Variants in RBPJ observed in about 807,000 individuals in gnomAD.
The protein encoded by RBPJ is recombining binding protein suppressor of hairless.
Under a neutral mutation model 67.8 loss-of-function variants are expected in RBPJ, and 9 were observed. The observed-to-expected ratio is 0.13, with a 90% confidence interval of 0.08 to 0.23. The LOEUF (loss-of-function observed/expected upper bound fraction) is 0.23, where lower values mean the gene tolerates loss of function less well. RBPJ is among the 10% of genes least tolerant of loss of function. The pLI is 1.00. For missense variants in RBPJ, 305 were observed against 595.6 expected (o/e 0.51, Z 5.08); for synonymous variants, 198 against 203.3 (o/e 0.97, Z 0.22).
intron 1 of RBPJ, among the ~76,000 whole-genome samples, chr4:26,294,774 C>T (rs1385096626): frequency 1.3e-5 from 2 of 151,546 alleles, no homozygotes; most frequent in African/African-American, 4.8e-5. Context: ...CCCAGCTACT[C>T]GGGAGGCTGA....
chr4:26,130,467 C>T, the RBPJ span, among the ~76,000 whole-genome samples: 2 of 152,228 alleles, frequency 1.3e-5, no homozygotes, highest in Admixed American at 6.5e-5. Flanking sequence ...AGAAGCATGC[C>T]GGCTGCAGCC....
the RBPJ span, among the ~76,000 whole-genome samples, chr4:26,139,716 C>T: frequency 4.5e-4 from 69 of 152,270 alleles, no homozygotes; most frequent in Non-Finnish European, 7.5e-4. Context: ...CTGTTCCTCT[C>T]AGTGACATGG....
chr4:26,212,432 C>CT (rs370447105), intron 1 of RBPJ, among the ~76,000 whole-genome samples: 1,994 of 112,302 alleles, frequency 0.018, 48 homozygotes, highest in African/African-American at 0.03. Flanking sequence ...CTTTTCTTTT[C>CT]TTTTTTTTTT....
chr4:26,189,077 G>T (rs574809102), intron 1 of RBPJ, among the ~76,000 whole-genome samples: 1 of 152,186 alleles, frequency 6.6e-6, no homozygotes, highest in Admixed American at 6.5e-5. Context: ...AAATAGCTGG[G>T]CAAAGGGCTC....
chr4:26,424,881 C>T lies in RBPJ; in HGVS notation c.747+138C>T. 1.7e-6 allele frequency: 1 copy of T among 584,608 alleles called. No homozygotes were observed. The highest frequency in any genetic ancestry group is 2.9e-5 in the East Asian group (1 of 35,020). The allele number at this position is 584,608 out of a possible 1,614,324, so 36.2% of individuals were successfully genotyped here. A position where few individuals can be genotyped will look rare whatever the true frequency, so the allele number is the denominator to read the frequency against. ...TTAAAAGGTATGTTAGTAATCAGTG[C>T]TGTTTATAATTGACAGTTATGCTCT... On this transcript the variant is annotated intron_variant, in intron 7 of 10. Coordinates refer to ENST00000355476, the MANE Select transcript of RBPJ (RefSeq NM_015874.6). This position sits in a 1 kb window ranked among gnomAD's most constrained non-coding sequence, Gnocchi z 5.3.
Position 26,233,248 on chromosome 4 carries a change from G to A in RBPJ, c.-167+69634G>A, listed in dbSNP as rs564291279. 2.4e-3 allele frequency among the ~76,000 whole-genome samples: 362 copies of A among 152,270 alleles called. 2 individuals carry two copies. Among genetic ancestry groups the A allele is most frequent in the South Asian group, 9.1e-3 (44 of 4,820 alleles). On this transcript the variant is annotated intron_variant, in intron 1 of 4. Coordinates refer to the RBPJ transcript ENST00000512351. ...AGCTATAAATTAAAATACTGGGGGG[G>A]AAAACTATAAATGATTATCTCCACA...
intron 1 of RBPJ, among the ~76,000 whole-genome samples, chr4:26,173,854 C>T (rs908062383): frequency 1.3e-4 from 20 of 152,140 alleles, no homozygotes; most frequent in African/African-American, 2.2e-4. Context: ...CTTGGGCAGC[C>T]GGAGCCCTGT....
At position 26,215,810 on chromosome 4, in the gene RBPJ, G is replaced by C. The variant is rs139341240; in HGVS notation, c.-167+52196G>C. On this transcript the variant is annotated intron_variant, in intron 1 of 4. Transcript: ENST00000512351. ...GTTCATCTCCCCACTCCCGCCTCCC[G>C]CATCCCTCTCACCTCCTTGCCAGTC... Among the ~76,000 whole-genome samples, 576 of 152,128 alleles carry C rather than the reference G, an allele frequency of 3.8e-3. 6 individuals carry two copies. Among genetic ancestry groups the C allele is most frequent in the African/African-American group, 0.013 (547 of 41,494 alleles).
intron 1 of RBPJ, among the ~76,000 whole-genome samples, chr4:26,230,997 A>G (rs1719261364): frequency 6.6e-6 from 1 of 152,218 alleles, no homozygotes; most frequent in African/African-American, 2.4e-5. Flanking sequence ...CTCTGACAAC[A>G]TCAAACAAGG....
the RBPJ span, among the ~76,000 whole-genome samples, chr4:26,135,980 G>A: frequency 2.0e-5 from 3 of 152,268 alleles, no homozygotes; most frequent in East Asian, 5.8e-4. Flanking sequence ...CTCACATATG[G>A]CTGGGGAGAC....
At chr4:26,268,575 A>G (rs923334756) in intron 1 of RBPJ, among the ~76,000 whole-genome samples, 1 of 152,018 alleles carries the variant, frequency 6.6e-6, no homozygotes, top group African/African-American at 2.4e-5. Flanking sequence ...CACACGCATT[A>G]TTTGCTCCTT....
the RBPJ span, chr4:26,113,570 C>A: frequency 2.0e-5 from 9 of 453,692 alleles, no homozygotes; most frequent in Admixed American, 2.0e-4. Flanking sequence ...AGGGCAGAAG[C>A]CCTATGAATG....
intron 1 of RBPJ, among the ~76,000 whole-genome samples, chr4:26,192,935 G>T (rs1019259266): frequency 6.6e-6 from 1 of 152,078 alleles, no homozygotes; most frequent in Non-Finnish European, 1.5e-5. Flanking sequence ...ATTCTACAAG[G>T]GTCCTTATGA....
chr4:26,289,384 C>CAAAAAAAAAAAAAAAAAAAAAAA (rs60159669), intron 1 of RBPJ, among the ~76,000 whole-genome samples: 69 of 78,328 alleles, frequency 8.8e-4, no homozygotes, highest in African/African-American at 1.9e-3. Flanking sequence ...GACTTGGTCT[C>CAAAAAAAAAAAAAAAAAAAAAAA]AAAAAAAAAA....
chr4:26,420,856 GTC>G (rs1295637230), intron 5 of RBPJ, 131 bp downstream of exon 5: 5 of 711,358 alleles, frequency 7.0e-6, no homozygotes, highest in Middle Eastern at 2.5e-4. Context: ...CCTCTTTATT[GTC>G]TCTCTTTTTT....
At chr4:26,106,133 A>T in the RBPJ span, among the ~76,000 whole-genome samples, 1 of 152,382 alleles carries the variant, frequency 6.6e-6, no homozygotes, top group Admixed American at 6.5e-5. Context: ...GCCACTGAAG[A>T]GCAGAGATAA....
intron 1 of RBPJ, among the ~76,000 whole-genome samples, chr4:26,311,822 T>C (rs1475508568): frequency 6.6e-6 from 1 of 152,134 alleles, no homozygotes; most frequent in East Asian, 1.9e-4. Flanking sequence ...TACTAGCATT[T>C]TGGGAGGCCA....
intron 1 of RBPJ, among the ~76,000 whole-genome samples, chr4:26,343,483 A>G (rs764888145): frequency 1.3e-5 from 2 of 152,162 alleles, no homozygotes; most frequent in Non-Finnish European, 2.9e-5. Context: ...GCTTATACAT[A>G]TGAATAGTTT....
intron 1 of RBPJ, chr4:26,321,947 C>G (rs975045115): frequency 3.3e-5 from 5 of 152,222 alleles, no homozygotes. Flanking sequence ...CTCGGGATTT[C>G]TTGTACCCTC....
Sources: gnomAD v4.1 joint callset for allele counts (sites outside exome capture counted in the v4.1 genomes callset) on GRCh38, gnomAD v4.1.1 for gene constraint, Gnocchi (gnomAD v3.1) non-coding constraint, MANE v1.5 for transcripts, NCBI Gene and HGNC (gene_info 2026-07-23, HGNC 2026-07-21) for gene names.